GABRG3: variants seen among roughly 807,000 people sequenced by gnomAD.
The protein encoded by GABRG3 is gamma-aminobutyric acid type A receptor subunit gamma3.
Under a neutral mutation model 48.8 loss-of-function variants are expected in GABRG3, and 25 were observed. That is an observed-to-expected ratio of 0.51 (90% CI 0.37 to 0.72). The LOEUF (loss-of-function observed/expected upper bound fraction) is 0.72. GABRG3 is among the 30% of genes least tolerant of loss of function. The pLI is 0.00. For missense variants in GABRG3, 394 were observed against 577.9 expected (o/e 0.68, Z 3.26); for synonymous variants, 227 against 217.6 (o/e 1.04, Z -0.38).
chr15:27,284,740 G>A (rs574702107), intron 3 of GABRG3, among the ~76,000 whole-genome samples: 1 of 152,148 alleles, frequency 6.6e-6, no homozygotes, highest in African/African-American at 2.4e-5. Flanking sequence ...TTTGACCAGC[G>A]ATCTGCAGAC....
intron 5 of GABRG3, among the ~76,000 whole-genome samples, chr15:27,415,250 A>C (rs1354890025): frequency 6.6e-6 from 1 of 151,432 alleles, no homozygotes; most frequent in Non-Finnish European, 1.5e-5. Context: ...TTTGCTTTGC[A>C]GTTTTAAAGT....
chr15:27,278,253 T>C (rs1891320073), intron 3 of GABRG3, among the ~76,000 whole-genome samples: 1 of 152,090 alleles, frequency 6.6e-6, no homozygotes, highest in African/African-American at 2.4e-5. Context: ...GGTTTCGCCA[T>C]ATTGACCAGG....
At chr15:27,286,956 G>C (rs929911796) in intron 3 of GABRG3, among the ~76,000 whole-genome samples, 1 of 152,178 alleles carries the variant, frequency 6.6e-6, no homozygotes, top group South Asian at 2.1e-4. Flanking sequence ...GAAGTGATCC[G>C]TGGCTCCATG....
chr15:27,416,300 A>G (rs1887938399), intron 5 of GABRG3, among the ~76,000 whole-genome samples: 1 of 152,060 alleles, frequency 6.6e-6, no homozygotes, highest in Non-Finnish European at 1.5e-5. Flanking sequence ...GCTTTTAATG[A>G]GCCTGTGCCA....
intron 3 of GABRG3, among the ~76,000 whole-genome samples, chr15:27,113,934 A>G (rs1595532453): frequency 2.0e-5 from 3 of 152,332 alleles, no homozygotes; most frequent in Middle Eastern, 3.4e-3. Flanking sequence ...CCAGCTCATT[A>G]TTTTGCAAAA....
intron 5 of GABRG3, among the ~76,000 whole-genome samples, chr15:27,433,208 C>A (rs1467470894): frequency 7.2e-5 from 11 of 152,214 alleles, no homozygotes; most frequent in African/African-American, 2.7e-4. Flanking sequence ...AAGGCGGAAC[C>A]CCACTCCAGG....
At chr15:27,125,131 C>G (rs1337736590) in intron 3 of GABRG3, among the ~76,000 whole-genome samples, 2 of 151,982 alleles carry the variant, frequency 1.3e-5, no homozygotes, top group Admixed American at 6.6e-5. Context: ...TGCCGAAAGA[C>G]TTTTTATTAG....
At chr15:27,279,953 C>T (rs547944443) in intron 3 of GABRG3, among the ~76,000 whole-genome samples, 1 of 151,944 alleles carries the variant, frequency 6.6e-6, no homozygotes, top group Admixed American at 6.6e-5. Context: ...GCATATAGAT[C>T]CTATATAGAT....
intron 5 of GABRG3, among the ~76,000 whole-genome samples, chr15:27,378,067 A>G (rs887530655): frequency 2.0e-5 from 3 of 152,164 alleles, no homozygotes; most frequent in Non-Finnish European, 4.4e-5. Flanking sequence ...CCAGTGTTGC[A>G]TAGTAAGCTC....
At chr15:27,505,537 T>G (rs910841857) in intron 6 of GABRG3, among the ~76,000 whole-genome samples, 2 of 152,198 alleles carry the variant, frequency 1.3e-5, no homozygotes, top group Non-Finnish European at 2.9e-5. Flanking sequence ...ATCAAAAAAT[T>G]TGTTTACATT....
intron 2 of GABRG3, among the ~76,000 whole-genome samples, chr15:27,015,585 C>T (rs1309932945): frequency 4.6e-5 from 7 of 151,748 alleles, no homozygotes; most frequent in Non-Finnish European, 8.8e-5. Context: ...GACGGGGTTT[C>T]ACCGTGTTAG....
At chr15:27,197,393 C>T (rs1261784220) in intron 3 of GABRG3, among the ~76,000 whole-genome samples, 1 of 151,998 alleles carries the variant, frequency 6.6e-6, no homozygotes, top group African/African-American at 2.4e-5. Flanking sequence ...AGTTTATGTT[C>T]ACAGAAGGGC....
chr15:27,080,530 G>A (rs1052056224), intron 3 of GABRG3, among the ~76,000 whole-genome samples: 3 of 152,190 alleles, frequency 2.0e-5, no homozygotes, highest in African/African-American at 7.2e-5. Flanking sequence ...TGTATTCCGA[G>A]CTATTCAGGA....
At chr15:27,237,064 T>G (rs1403572061) in intron 3 of GABRG3, among the ~76,000 whole-genome samples, 1 of 152,248 alleles carries the variant, frequency 6.6e-6, no homozygotes, top group African/African-American at 2.4e-5. Flanking sequence ...TGACGCACTC[T>G]GAATCATTCA....
At chr15:27,464,662 G>T (rs1181836317) in intron 5 of GABRG3, among the ~76,000 whole-genome samples, 1 of 152,254 alleles carries the variant, frequency 6.6e-6, no homozygotes, top group Admixed American at 6.5e-5. Context: ...ATCCTAGCGG[G>T]TATGAAGTGA....
chr15:27,042,000 G>A (rs531132633), intron 3 of GABRG3, among the ~76,000 whole-genome samples: 1 of 152,140 alleles, frequency 6.6e-6, no homozygotes, highest in Non-Finnish European at 1.5e-5. Flanking sequence ...TGCAATGCAG[G>A]TCTCCTCTTT....
At chr15:27,112,553 G>A (rs1897572069) in intron 3 of GABRG3, among the ~76,000 whole-genome samples, 1 of 149,886 alleles carries the variant, frequency 6.7e-6, no homozygotes, top group South Asian at 2.1e-4. Flanking sequence ...CGATTCTCCT[G>A]CCTCAGCCTC....
intron 3 of GABRG3, among the ~76,000 whole-genome samples, chr15:27,138,169 A>G (rs1898042379): frequency 6.6e-6 from 1 of 152,216 alleles, no homozygotes; most frequent in African/African-American, 2.4e-5. Flanking sequence ...TTATGCCTGT[A>G]GTTCAGAATA....
At chr15:27,379,978 T>C (rs1895716130) in intron 5 of GABRG3, among the ~76,000 whole-genome samples, 2 of 131,762 alleles carry the variant, frequency 1.5e-5, no homozygotes, top group South Asian at 5.0e-4. Context: ...TTCTCCTGTG[T>C]TTTCCTATCT....
Sources: gnomAD v4.1 joint callset for allele counts (sites outside exome capture counted in the v4.1 genomes callset) on GRCh38, gnomAD v4.1.1 for gene constraint, MANE v1.5 for transcripts, NCBI Gene and HGNC (gene_info 2026-07-23, HGNC 2026-07-21) for gene names.